ODAD1: variants seen among roughly 807,000 people sequenced by gnomAD.
ODAD1 encodes the protein outer dynein arm docking complex subunit 1.
A neutral mutation model predicts 67.2 loss-of-function variants in ODAD1; 49 were observed. That is an observed-to-expected ratio of 0.73 (90% CI 0.58 to 0.92). The LOEUF (loss-of-function observed/expected upper bound fraction) is 0.92. Ranked by LOEUF, ODAD1 falls within the 40% of genes least tolerant of loss-of-function variation. The probability of loss-of-function intolerance (pLI) is 0.00; values close to 1 mark genes in which losing one functional copy is unlikely to be tolerated. For synonymous variants in ODAD1, 345 were observed against 393.7 expected (o/e 0.88, Z 1.46); for missense variants, 897 against 953.7 (o/e 0.94, Z 0.78).
intron 6 of ODAD1, 96 bp downstream of exon 6, chr19:48,311,898 C>T (rs1428561724): frequency 2.5e-6 from 3 of 1,193,770 alleles, no homozygotes; most frequent in East Asian, 5.1e-5. Flanking sequence ...CACATATGTG[C>T]ACACACTGCC....
At chr19:48,306,166 T>G (rs1031688729) in intron 8 of ODAD1, 90 bp downstream of exon 8, 13 of 1,515,922 alleles carry the variant, frequency 8.6e-6, no homozygotes, top group Non-Finnish European at 1.2e-5. Context: ...ACGTGTTTCA[T>G]GAGTCCTGAA....
chr19:48,303,876 G>C, intron 9 of ODAD1, 77 bp downstream of exon 9: 1 of 1,579,504 alleles, frequency 6.3e-7, no homozygotes, highest in Non-Finnish European at 8.6e-7. Flanking sequence ...GGTCCCACCT[G>C]GGGCACGAAG....
intron 8 of ODAD1, among the ~76,000 whole-genome samples, chr19:48,305,773 A>T (rs1325364404): frequency 6.6e-6 from 1 of 151,706 alleles, no homozygotes; most frequent in African/African-American, 2.4e-5. Context: ...GAAAAAGAAC[A>T]GGGCCGGTGG....
intron 5 of ODAD1, among the ~76,000 whole-genome samples, chr19:48,312,538 TC>T (rs1021735705): frequency 6.8e-6 from 1 of 146,260 alleles, no homozygotes; most frequent in African/African-American, 2.5e-5. Context: ...TGCCTCAACC[TC>T]CCGAGTAGCT....
chr19:48,309,027 C>A (rs2147324666), intron 7 of ODAD1, among the ~76,000 whole-genome samples: 1 of 152,300 alleles, frequency 6.6e-6, no homozygotes, highest in East Asian at 1.9e-4. Flanking sequence ...AGGACCTAGG[C>A]ATCTCTGAAG....
Position 48,312,053 on chromosome 19 carries a change from G to C in ODAD1, c.424C>G (p.Leu142Val). ...CGCCTGATCTTGACCTTCTGATCCAGGATGAATCCCGGGGACCTGACATTC... is the reference window on the plus strand; with the variant it reads ...CGCCTGATCTTGACCTTCTGATCCACGATGAATCCCGGGGACCTGACATTC... ...SKNVRSPGFI[L>V]DQKVKIRRRI... The change falls in exon 6 of 16, where the codon CTG becomes GTG. Residue 142 changes from leucine (L) to valine (V), a missense_variant. By Grantham distance (32) the Leu-to-Val change is conservative. Coordinates refer to ENST00000674294, the MANE Select transcript of ODAD1 (RefSeq NM_001364171.2). The C allele has an allele frequency of 6.4e-7, 1 of 1,550,494 alleles. No individual in the cohort carries two copies. Among genetic ancestry groups the C allele is most frequent in the South Asian group, 1.2e-5 (1 of 84,040 alleles).
chr19:48,305,381 A>C (rs1600863343), intron 8 of ODAD1, among the ~76,000 whole-genome samples: 3 of 150,774 alleles, frequency 2.0e-5, no homozygotes, highest in Non-Finnish European at 1.5e-5. Context: ...ACCCTGCTGC[A>C]CTATATATGT....
intron 5 of ODAD1, among the ~76,000 whole-genome samples, 194 bp downstream of exon 5, chr19:48,318,193 C>T (rs796199499): frequency 3.3e-5 from 5 of 152,134 alleles, no homozygotes; most frequent in African/African-American, 1.2e-4. Flanking sequence ...GGTTTCACCA[C>T]GTTGGCCAGG....
chr19:48,299,607 C>T (rs1050248834), intron 12 of ODAD1, among the ~76,000 whole-genome samples: 2 of 150,940 alleles, frequency 1.3e-5, no homozygotes, highest in Non-Finnish European at 3.0e-5. Flanking sequence ...AGTTTGAGAC[C>T]AGCCTGACCA....
rs765428150 is a variant in ODAD1, at chr19:48,311,505, C to T, written c.597+48G>A. On this transcript the variant is annotated intron_variant, in intron 7 of 15. Coordinates refer to ENST00000674294, the MANE Select transcript of ODAD1 (RefSeq NM_001364171.2). ...GAAGGGCAAACAGCTGTGGGGAGGA[C>T]CTGCGCAGGGGTCCCTGTCTCCTCC... 4 of 1,085,288 alleles carry T rather than the reference C, an allele frequency of 3.7e-6. No individual in the cohort carries two copies. The African/African-American group carries it at 6.3e-5, about 17-fold the overall frequency. The allele number at this position is 1,085,288 out of a possible 1,614,324, so 67.2% of individuals were successfully genotyped here.
At chr19:48,297,556 G>A in intron 15 of ODAD1, 34 bp downstream of exon 15, 1 of 1,592,628 alleles carries the variant, frequency 6.3e-7, no homozygotes, top group Non-Finnish European at 8.5e-7. Context: ...CACACACTGA[G>A]GCCTGGCCCC....
chr19:48,310,978 C>A (rs796289872), intron 7 of ODAD1, among the ~76,000 whole-genome samples: 99 of 151,846 alleles, frequency 6.5e-4, no homozygotes, highest in African/African-American at 2.0e-3. Context: ...TTTGGGAGGC[C>A]GAGGAAGGCG....
At chr19:48,302,367 AATGGATGG>A (rs3077987) in intron 12 of ODAD1, among the ~76,000 whole-genome samples, 3,811 of 142,584 alleles carry the variant, frequency 0.027, 114 homozygotes, top group African/African-American at 0.079. Context: ...ACAGACGTTG[AATGGATGG>A]ATGGATGGAT....
intron 7 of ODAD1, among the ~76,000 whole-genome samples, chr19:48,310,052 T>C (rs899801666): frequency 1.2e-4 from 18 of 151,942 alleles, no homozygotes; most frequent in Non-Finnish European, 2.4e-4. Flanking sequence ...CTGACCAACA[T>C]GGAGAAACCC....
Position 48,320,382 on chromosome 19 carries a change from G to A in ODAD1, c.-14C>T. The A allele has an allele frequency of 7.8e-7, 1 of 1,287,108 alleles. No individual in the cohort carries two copies. Among genetic ancestry groups the A allele is most frequent in the Non-Finnish European group, 1.0e-6 (1 of 987,256 alleles). The allele number at this position is 1,287,108 out of a possible 1,614,324, so 79.7% of individuals were successfully genotyped here. A position where few individuals can be genotyped will look rare whatever the true frequency, so the allele number is the denominator to read the frequency against. Reference sequence around the variant, plus strand: ...TCCCAAAGGCATCCTGGCCAAACAGGGTGGGGCTCCTGTAGGGATGGACAT... The same window carrying A: ...TCCCAAAGGCATCCTGGCCAAACAGAGTGGGGCTCCTGTAGGGATGGACAT... On this transcript the variant is annotated 5_prime_UTR_variant, in exon 3 of 16. Coordinates refer to ENST00000674294, the MANE Select transcript of ODAD1 (RefSeq NM_001364171.2).
chr19:48,313,063 G>A, intron 5 of ODAD1, among the ~76,000 whole-genome samples: 1 of 152,122 alleles, frequency 6.6e-6, no homozygotes, highest in South Asian at 2.1e-4. Flanking sequence ...ATAACATGCA[G>A]ACTAAATAGA....
At chr19:48,299,730 G>C (rs894721091) in intron 12 of ODAD1, among the ~76,000 whole-genome samples, 5 of 152,260 alleles carry the variant, frequency 3.3e-5, no homozygotes, top group African/African-American at 9.6e-5. Context: ...TGAACCAGGA[G>C]GGGGAGATTG....
At chr19:48,304,480 C>T (rs898530141) in intron 8 of ODAD1, among the ~76,000 whole-genome samples, 2 of 152,024 alleles carry the variant, frequency 1.3e-5, no homozygotes, top group Admixed American at 6.6e-5. Context: ...TTAGCCAGAC[C>T]TGGTGGTGCA....
Position 48,297,628 on chromosome 19 carries a change from T to G in ODAD1, c.1543A>C (p.Met515Leu). The change falls in exon 15 of 16, where the codon ATG (methionine) becomes CTG (leucine). Residue 515 changes from methionine to leucine, a missense_variant. Transcript: ENST00000674294. ...PGFEASDDYP[M>L]SREELLSQVE... The stretch of plus-strand genomic sequence containing the variant: ...TGGCTCAGCAGCTCCTCCCTGCTCA[T>G]GGGGTAGTCATCGCTGGCCTCAAAA... 6.5e-7 allele frequency: 1 copy of G among 1,528,376 alleles called. No individual in the cohort carries two copies. The highest frequency in any genetic ancestry group is 8.8e-7 in the Non-Finnish European group (1 of 1,141,024). The allele number at this position is 1,528,376 out of a possible 1,614,324, so 94.7% of individuals were successfully genotyped here.
Sources: allele counts gnomAD v4.1 joint callset (sites outside exome capture counted in the v4.1 genomes callset), GRCh38; gene constraint gnomAD v4.1.1; transcripts MANE v1.5; gene names NCBI Gene and HGNC (gene_info 2026-07-23, HGNC 2026-07-21).